PER3: variants seen among roughly 807,000 people sequenced by gnomAD.
PER3 encodes the protein period circadian protein homolog 3.
A neutral mutation model predicts 127.2 loss-of-function variants in PER3; 107 were observed. The ratio of observed to expected loss-of-function variants is 0.84; its 90% confidence interval spans 0.72 to 0.99. PER3 has a LOEUF of 0.99. Ranked by LOEUF, PER3 falls within the 50% of genes least tolerant of loss-of-function variation. PER3 has a pLI of 0.00. For synonymous variants in PER3, 618 were observed against 585.8 expected (o/e 1.05, Z -0.79); for missense variants, 1,560 against 1,525.8 (o/e 1.02, Z -0.37).
At chr1:7,788,930 A>C (rs1299615756) in intron 5 of PER3, among the ~76,000 whole-genome samples, 1 of 150,060 alleles carries the variant, frequency 6.7e-6, no homozygotes, top group Non-Finnish European at 1.5e-5. Context: ...AAAAATTCAG[A>C]TCATTAGCTC....
In PER3 at chr1:7,809,878, T is replaced by C; in HGVS notation, c.1243-15T>C. 6.2e-7 allele frequency: 1 copy of C among 1,612,722 alleles called. No individual in the cohort carries two copies. The highest frequency in any genetic ancestry group is 2.2e-5 in the East Asian group (1 of 44,858). ...CAGCCAGCAATTCTGGACTTGTTCC[T>C]CTTTGTCCTTCCAGCCAGTTCACGT... is the stretch of plus-strand genomic sequence containing the variant. On this transcript the variant is annotated splice_polypyrimidine_tract_variant and intron_variant, in intron 11 of 21. Coordinates refer to ENST00000377532, the MANE Select transcript of PER3 (RefSeq NM_001377275.1).
chr1:7,791,183 A>C (rs750046238), intron 5 of PER3, among the ~76,000 whole-genome samples: 3 of 149,834 alleles, frequency 2.0e-5, no homozygotes, highest in Non-Finnish European at 4.5e-5. Flanking sequence ...GAGGTTCTCT[A>C]TGAGGGCTCC....
At chr1:7,828,458 G>A (rs890925165) in intron 18 of PER3, among the ~76,000 whole-genome samples, 4 of 152,132 alleles carry the variant, frequency 2.6e-5, no homozygotes, top group African/African-American at 9.7e-5. Context: ...CCTATATTTA[G>A]GTATAGAATC....
Position 7,794,013 on chromosome 1 carries a change from G to A in PER3, c.644+5G>A, listed in dbSNP as rs1360447985. On this transcript the variant is annotated splice_donor_5th_base_variant and intron_variant, in intron 6 of 21. Transcript: ENST00000377532. ...ACCTTTTTTCTGCAGGATCCGGTAA[G>A]TATAGTGGCTCGTGGAAGCCAGCAA... The A allele has an allele frequency of 1.9e-6, 3 of 1,612,016 alleles. No individual in the cohort carries two copies.
intron 8 of PER3, among the ~76,000 whole-genome samples, chr1:7,801,595 G>T (rs181406999): frequency 6.6e-6 from 1 of 152,298 alleles, no homozygotes; most frequent in African/African-American, 2.4e-5. Context: ...AGTTTATGAT[G>T]AAATTTCAGT....
At chr1:7,800,216 A>ATTTTTTT (rs35599508) in intron 7 of PER3, among the ~76,000 whole-genome samples, 2 of 146,324 alleles carry the variant, frequency 1.4e-5, no homozygotes. Context: ...CAATCACTTC[A>ATTTTTTT]TTTTTTTTTT....
At chr1:7,825,302 A>G (rs1306460550) in intron 16 of PER3, among the ~76,000 whole-genome samples, 1 of 152,234 alleles carries the variant, frequency 6.6e-6, no homozygotes, top group East Asian at 1.9e-4. Context: ...AGATACAACT[A>G]TTCTATATCA....
intron 10 of PER3, among the ~76,000 whole-genome samples, chr1:7,807,135 T>C (rs1035154097): frequency 6.6e-6 from 1 of 151,996 alleles, no homozygotes; most frequent in African/African-American, 2.4e-5. Flanking sequence ...GTAGACAAAA[T>C]ACCTCACCCC....
At chr1:7,813,095 T>G (rs916371674) in intron 13 of PER3, among the ~76,000 whole-genome samples, 1 of 152,084 alleles carries the variant, frequency 6.6e-6, no homozygotes, top group Non-Finnish European at 1.5e-5. Flanking sequence ...ATTTTAAAAG[T>G]TAGTATGAGT....
At chr1:7,808,231 T>C (rs1481718429) in intron 10 of PER3, among the ~76,000 whole-genome samples, 2 of 30,872 alleles carry the variant, frequency 6.5e-5, no homozygotes, top group East Asian at 8.7e-4. Context: ...AGACTCTGTC[T>C]CAAAAAAAAA....
At chr1:7,787,619 A>G (rs1345465096) in intron 4 of PER3, 3 of 296,582 alleles carry the variant, frequency 1.0e-5, no homozygotes, top group African/African-American at 2.2e-5. Context: ...TTTATGTGTA[A>G]TGGAAAAAAT....
Position 7,786,720 on chromosome 1 carries a change from G to A in PER3, c.275-1G>A, listed in dbSNP as rs757223794. On this transcript the variant is annotated splice_acceptor_variant, in intron 3 of 21. Transcript: ENST00000377532. LOFTEE classifies it high-confidence loss of function. ...CCTGTTTATCTCCCTGTGTTTCTTA[G>A]CAAACAGTGAGTTTTTCCAGATTCT... 1 of 1,538,438 alleles carries A rather than the reference G, an allele frequency of 6.5e-7. No homozygotes were observed. The highest frequency in any genetic ancestry group is 1.7e-5 in the Admixed American group (1 of 59,882).
At chr1:7,830,189 A>C in intron 19 of PER3, 28 bp downstream of exon 19, 1 of 1,583,210 alleles carries the variant, frequency 6.3e-7, no homozygotes, top group Non-Finnish European at 8.7e-7. Context: ...CTAATGTTTC[A>C]AACTCCAATG....
At position 7,810,590 on chromosome 1, in the gene PER3, T is replaced by G. The variant is rs1296682312; in HGVS notation, c.1522+2T>G. On this transcript the variant is annotated splice_donor_variant, in intron 13 of 21. Coordinates refer to ENST00000377532, the MANE Select transcript of PER3 (RefSeq NM_001377275.1). LOFTEE classifies it high-confidence loss of function. ...GTGGTGAGTCAGCGAATGGTGGTGGTGAGTCAGCCGGCAGCCCCAAGGATC... is the reference window on the plus strand; with the variant it reads ...GTGGTGAGTCAGCGAATGGTGGTGGGGAGTCAGCCGGCAGCCCCAAGGATC... 2 of 1,606,168 alleles carry G rather than the reference T, an allele frequency of 1.2e-6. No individual in the cohort carries two copies. Among genetic ancestry groups the G allele is most frequent in the East Asian group, 4.5e-5 (2 of 44,780 alleles).
chr1:7,785,690 T>TG, intron 3 of PER3, 104 bp downstream of exon 3: 1 of 918,840 alleles, frequency 1.1e-6, no homozygotes, highest in Non-Finnish European at 1.7e-6. Context: ...TAATTTGAGC[T>TG]TTTTCTGGTG....
chr1:7,833,744 A>G (rs1169799210), intron 19 of PER3, among the ~76,000 whole-genome samples: 1 of 152,134 alleles, frequency 6.6e-6, no homozygotes, highest in Non-Finnish European at 1.5e-5. Flanking sequence ...TAATGTGAAT[A>G]TTGATATGGT....
rs1254568687 is a variant in PER3 at position 7,826,084 on chromosome 1, A to G, written c.1958-396A>G. 2.0e-5 allele frequency among the ~76,000 whole-genome samples: 3 copies of G among 152,066 alleles called. No individual in the cohort carries two copies. Among genetic ancestry groups the G allele is most frequent in the Non-Finnish European group, 4.4e-5 (3 of 68,000 alleles). ...GGGGAAACAAATGAGAACTAGACAG[A>G]GCGTGGACGGGGGTGAGGGGAATTT... is the stretch of plus-strand genomic sequence containing the variant. On this transcript the variant is annotated intron_variant, in intron 16 of 21. Transcript: ENST00000377532. This position sits in a 1 kb window ranked among gnomAD's most constrained non-coding sequence, Gnocchi z 4.2.
intron 10 of PER3, among the ~76,000 whole-genome samples, chr1:7,806,841 TAC>T (rs201717412): frequency 7.3e-5 from 8 of 109,672 alleles, no homozygotes; most frequent in East Asian, 5.5e-4. Flanking sequence ...ATATATTACA[TAC>T]ACACACACAC....
At chr1:7,829,768 A>G in intron 18 of PER3, 66 bp from the exon 19 acceptor site, 1 of 1,323,912 alleles carries the variant, frequency 7.6e-7, no homozygotes. Context: ...ACCATGAATA[A>G]AGGAGGACTA....
Sources: gnomAD v4.1 joint callset for allele counts (sites outside exome capture counted in the v4.1 genomes callset) on GRCh38, gnomAD v4.1.1 for gene constraint, Gnocchi (gnomAD v3.1) non-coding constraint, MANE v1.5 for transcripts, NCBI Gene and HGNC (gene_info 2026-07-23, HGNC 2026-07-21) for gene names.